The following CCDC102B variants were observed in gnomAD, a reference collection of about 807,000 sequenced individuals.
CCDC102B encodes coiled-coil domain-containing protein 102B.
CCDC102B carries 75 observed loss-of-function variants against 57.4 expected under a neutral mutation model. That is an observed-to-expected ratio of 1.31 (90% CI 1.08 to 1.58). The LOEUF (loss-of-function observed/expected upper bound fraction) is 1.58, where lower values mean the gene tolerates loss of function less well. CCDC102B is among the 40% of genes most tolerant of loss of function. The probability of loss-of-function intolerance (pLI) is 0.00; values close to 1 mark genes in which losing one functional copy is unlikely to be tolerated. For missense variants in CCDC102B, 636 were observed against 582.6 expected, an observed-to-expected ratio of 1.09 and a Z score of -0.94; for synonymous variants, 206 against 201.9, an observed-to-expected ratio of 1.02 and a Z score of -0.17.
chr18:68,938,616 T>C (rs2049303504), intron 6 of CCDC102B, among the ~76,000 whole-genome samples: 1 of 151,836 alleles, frequency 6.6e-6, no homozygotes, highest in African/African-American at 2.4e-5. Context: ...ATTAGTATCA[T>C]TTTATACTTA....
chr18:68,887,209 C>A (rs539593498), intron 5 of CCDC102B, among the ~76,000 whole-genome samples: 1 of 151,980 alleles, frequency 6.6e-6, no homozygotes, highest in Non-Finnish European at 1.5e-5. Context: ...CTTCTCCCGT[C>A]GATTTTACTT....
At chr18:69,004,442 G>A (rs1179230205) in intron 6 of CCDC102B, among the ~76,000 whole-genome samples, 2 of 152,122 alleles carry the variant, frequency 1.3e-5, no homozygotes, top group African/African-American at 4.8e-5. Flanking sequence ...GGAAGTTGGT[G>A]TGGACTTGGT....
At chr18:68,756,465 C>T (rs1207252298) in intron 2 of CCDC102B, among the ~76,000 whole-genome samples, 2 of 152,042 alleles carry the variant, frequency 1.3e-5, no homozygotes, top group African/African-American at 4.8e-5. Flanking sequence ...TTGCATACTT[C>T]AATAATGTTT....
At chr18:69,014,958 TGA>T (rs748203787) in intron 7 of CCDC102B, among the ~76,000 whole-genome samples, 2,966 of 114,528 alleles carry the variant, frequency 0.026, 43 homozygotes, top group Non-Finnish European at 0.04. Context: ...TGTATGTGAA[TGA>T]GAGAGAGAGA....
chr18:68,811,334 T>G (rs2036255763), intron 1 of CCDC102B, among the ~76,000 whole-genome samples: 2 of 152,134 alleles, frequency 1.3e-5, no homozygotes, highest in Admixed American at 6.6e-5. Flanking sequence ...GACAAACACA[T>G]AAGAGGCTGG....
At chr18:68,902,218 C>T (rs948584330) in intron 6 of CCDC102B, 2 of 152,172 alleles carry the variant, frequency 1.3e-5, no homozygotes, top group Non-Finnish European at 2.9e-5. Context: ...TTCATGCTTT[C>T]TTCCAGCACA....
At chr18:68,964,210 A>T (rs2050115462) in intron 6 of CCDC102B, among the ~76,000 whole-genome samples, 1 of 151,860 alleles carries the variant, frequency 6.6e-6, no homozygotes, top group Non-Finnish European at 1.5e-5. Context: ...ACATTCTGGG[A>T]TAGTTCCTTG....
intron 1 of CCDC102B, among the ~76,000 whole-genome samples, chr18:68,827,977 C>T (rs998351994): frequency 2.6e-5 from 4 of 151,630 alleles, no homozygotes; most frequent in African/African-American, 7.3e-5. Flanking sequence ...AACACAGACA[C>T]GGAGGGAAAT....
intron 2 of CCDC102B, among the ~76,000 whole-genome samples, chr18:68,837,788 G>A (rs2037448726): frequency 6.6e-6 from 1 of 152,094 alleles, no homozygotes; most frequent in African/African-American, 2.4e-5. Flanking sequence ...GGTACTGGGG[G>A]TTAGGAGACC....
intron 1 of CCDC102B, among the ~76,000 whole-genome samples, chr18:68,833,904 C>T (rs1423673793): frequency 6.6e-6 from 1 of 152,078 alleles, no homozygotes; most frequent in African/African-American, 2.4e-5. Context: ...GAGTCAACAT[C>T]GTTAAAATAT....
At chr18:68,853,563 T>A (rs2038233206) in intron 4 of CCDC102B, among the ~76,000 whole-genome samples, 2 of 151,626 alleles carry the variant, frequency 1.3e-5, no homozygotes, top group African/African-American at 2.4e-5. Flanking sequence ...ATTTTTATTA[T>A]GTTTTCTGTG....
chr18:68,819,328 C>T (rs920824349), intron 1 of CCDC102B, among the ~76,000 whole-genome samples: 1 of 151,872 alleles, frequency 6.6e-6, no homozygotes, highest in Admixed American at 6.6e-5. Context: ...TGACCTAGTT[C>T]CTTTTGTTGA....
At chr18:68,960,240 A>G (rs76586443) in intron 6 of CCDC102B, among the ~76,000 whole-genome samples, 3,690 of 151,832 alleles carry the variant, frequency 0.024, 117 homozygotes, top group East Asian at 0.15. Context: ...CCTTCCCTTT[A>G]AGGCCTGGGG....
intron 1 of CCDC102B, among the ~76,000 whole-genome samples, chr18:68,822,601 G>T (rs1291361879): frequency 6.6e-6 from 1 of 152,090 alleles, no homozygotes; most frequent in Non-Finnish European, 1.5e-5. Flanking sequence ...AGGTAGGAGA[G>T]TATAGTACCT....
chr18:69,056,840 C>T (rs938798512), downstream of CCDC102B, among the ~76,000 whole-genome samples: 2 of 151,970 alleles, frequency 1.3e-5, no homozygotes, highest in African/African-American at 2.4e-5. Context: ...GCCAGTGTTA[C>T]GCTACCATTA....
chr18:68,884,489 C>CA (rs1195474337), intron 5 of CCDC102B, among the ~76,000 whole-genome samples: 2 of 151,278 alleles, frequency 1.3e-5, no homozygotes, highest in African/African-American at 4.9e-5. Context: ...AGATAGAGAA[C>CA]AAAAAAGTGG....
chr18:68,820,288 G>T (rs1180897893), intron 1 of CCDC102B, among the ~76,000 whole-genome samples: 4 of 152,058 alleles, frequency 2.6e-5, no homozygotes, highest in African/African-American at 9.7e-5. Flanking sequence ...TTTACCAAAT[G>T]CATTTTATTC....
Position 68,857,785 on chromosome 18 carries a change from A to G in CCDC102B, c.936+11364A>G, listed in dbSNP as rs573712610. On this transcript the variant is annotated intron_variant, in intron 4 of 7. Transcript: ENST00000360242. ...TTGAATGGCTTCAGAATGTTTCACA[A>G]TGTGATGATTCCACAATTTATTGAA... Among the ~76,000 whole-genome samples, 501 of 152,244 alleles carry G rather than the reference A, an allele frequency of 3.3e-3. 6 individuals carry two copies. The highest frequency in any genetic ancestry group is 1.9e-3 in the Non-Finnish European group (127 of 68,018).
rs951823231 is a variant in CCDC102B, at chr18:68,814,108, G to T, written c.-16+15927G>T. On this transcript the variant is annotated intron_variant, in intron 1 of 7. Transcript: ENST00000360242. ...TTCTGTAGAGTGAGAAGTATAAAAGGCTTTCTCTAAACTCCTTAAAGCAGC... is the reference window on the plus strand; with the variant it reads ...TTCTGTAGAGTGAGAAGTATAAAAGTCTTTCTCTAAACTCCTTAAAGCAGC... 4.6e-5 allele frequency among the ~76,000 whole-genome samples: 7 copies of T among 152,214 alleles called. No individual in the cohort carries two copies. The East Asian group carries it at 9.6e-4, about 21-fold the overall frequency.
Sources: gnomAD v4.1 joint callset for allele counts (sites outside exome capture counted in the v4.1 genomes callset) on GRCh38, gnomAD v4.1.1 for gene constraint, MANE v1.5 for transcripts, NCBI Gene and HGNC (gene_info 2026-07-23, HGNC 2026-07-21) for gene names.